Variants in SI observed in about 807,000 individuals in gnomAD.
SI encodes the protein sucrase-isomaltase.
In SI, 235 loss-of-function variants were observed where a neutral mutation model predicts 253.3. The ratio of observed to expected loss-of-function variants is 0.93; its 90% CI spans 0.83 to 1.03. The LOEUF (loss-of-function observed/expected upper bound fraction) is 1.03, where lower values mean the gene tolerates loss of function less well. Among genes scored for constraint, SI ranks in the 50% least tolerant of loss-of-function variants. The pLI is 0.00. For missense variants in SI, 2,442 were observed against 2,211.1 expected, an observed-to-expected ratio of 1.10 and a Z score of -2.09; for synonymous variants, 819 against 712.0, an observed-to-expected ratio of 1.15 and a Z score of -2.39.
At chr3:165,057,828 A>C (rs976470971) in intron 12 of SI, among the ~76,000 whole-genome samples, 1 of 152,064 alleles carries the variant, frequency 6.6e-6, no homozygotes, top group Non-Finnish European at 1.5e-5. Context: ...GACAAGTCCT[A>C]TAAGATATGC....
chr3:164,983,060 A>C lies in SI; in HGVS notation c.5198-9T>G. 1.3e-6 allele frequency: 2 copies of C among 1,542,166 alleles called. No individual in the cohort carries two copies. Among genetic ancestry groups the C allele is most frequent in the South Asian group, 2.2e-5 (2 of 89,940 alleles). The stretch of plus-strand genomic sequence containing the variant: ...GTCTCTTTCATAGGTGTCTGTAGAG[A>C]GAGAAAAAAAATGTGATATATTGTT... On this transcript the variant is annotated splice_polypyrimidine_tract_variant and intron_variant, in intron 45 of 47. Transcript: ENST00000264382.
At chr3:165,072,575 C>T (rs1390716947) in intron 3 of SI, among the ~76,000 whole-genome samples, 1 of 151,864 alleles carries the variant, frequency 6.6e-6, no homozygotes, top group Non-Finnish European at 1.5e-5. Flanking sequence ...TTTTTTAAAT[C>T]CATTTCCTAT....
chr3:165,000,034 A>C (rs887685503), intron 37 of SI, among the ~76,000 whole-genome samples: 19 of 151,376 alleles, frequency 1.3e-4, no homozygotes, highest in African/African-American at 4.6e-4. Flanking sequence ...ATAAGAAATA[A>C]ATATATAAAT....
intron 25 of SI, among the ~76,000 whole-genome samples, chr3:165,030,502 A>G (rs928496648): frequency 7.3e-5 from 11 of 151,100 alleles, no homozygotes; most frequent in South Asian, 2.1e-4. Flanking sequence ...TTACACATCA[A>G]TTCAGCCTGG....
chr3:165,039,231 C>A, intron 19 of SI, 97 bp from the exon 20 acceptor site: 1 of 776,918 alleles, frequency 1.3e-6, no homozygotes, highest in Non-Finnish European at 2.2e-6. Context: ...GGGAAAAAAA[C>A]TTTATGTTGT....
At chr3:165,088,472 G>C in the SI span, among the ~76,000 whole-genome samples, 1 of 151,850 alleles carries the variant, frequency 6.6e-6, no homozygotes, top group Non-Finnish European at 1.5e-5. Context: ...GTGAAACCCC[G>C]TCTCTACTAA....
At chr3:165,053,833 T>C (rs1168541441) in intron 13 of SI, among the ~76,000 whole-genome samples, 1 of 152,172 alleles carries the variant, frequency 6.6e-6, no homozygotes, top group East Asian at 1.9e-4. Context: ...CTAAAGAAAC[T>C]TTCAATATAG....
chr3:165,001,413 A>G lies in SI; in HGVS notation c.4407-2740T>C, dbSNP rs1188755078. Among the ~76,000 whole-genome samples the G allele has an allele frequency of 5.3e-5, 8 of 151,640 alleles. No individual in the cohort carries two copies. The East Asian group carries it at 9.7e-4, about 18-fold the overall frequency. On this transcript the variant is annotated intron_variant, in intron 37 of 47. Transcript: ENST00000264382. ...TAAATTTTCCCAACTCACATTTCAA[A>G]TAGTCACCATTAGATCAGAAAATGT...
intron 9 of SI, among the ~76,000 whole-genome samples, chr3:165,060,868 A>T (rs13433764): frequency 0.39 from 56,134 of 145,258 alleles, 11,097 homozygotes; most frequent in Non-Finnish European, 0.44. Context: ...ATTAAAAAAA[A>T]ATATATATAT....
chr3:164,980,217 T>C (rs985289352), intron 47 of SI, among the ~76,000 whole-genome samples: 3 of 151,858 alleles, frequency 2.0e-5, no homozygotes, highest in African/African-American at 7.2e-5. Context: ...CACAGCACAT[T>C]TGGATTAATT....
At chr3:165,085,921 G>T in the SI span, among the ~76,000 whole-genome samples, 87,804 of 151,962 alleles carry the variant, frequency 0.58, 25,805 homozygotes, top group East Asian at 0.81. Flanking sequence ...AATAGTTGGG[G>T]TTCATTTTAG....
chr3:165,054,743 T>C (rs940795990), intron 13 of SI, among the ~76,000 whole-genome samples: 3 of 152,124 alleles, frequency 2.0e-5, no homozygotes, highest in Non-Finnish European at 4.4e-5. Context: ...TTGCCAATTT[T>C]TATTTATTCT....
chr3:165,047,026 C>A lies in SI; in HGVS notation c.1716-14G>T, dbSNP rs1375710997. The A allele has an allele frequency of 6.6e-6, 10 of 1,509,052 alleles. No individual in the cohort carries two copies. The East Asian group carries it at 2.3e-4, about 35-fold the overall frequency. The allele number at this position is 1,509,052 out of a possible 1,614,324, so 93.5% of individuals were successfully genotyped here. A position where few individuals can be genotyped will look rare whatever the true frequency, so the allele number is the denominator to read the frequency against. Reference sequence around the variant, plus strand: ...TTTTGTACAGCTCTAAAAATAAAACCAAATTAACAAATACAATTTATTTTA... The same window carrying A: ...TTTTGTACAGCTCTAAAAATAAAACAAAATTAACAAATACAATTTATTTTA... On this transcript the variant is annotated splice_polypyrimidine_tract_variant and intron_variant, in intron 15 of 47. Coordinates refer to ENST00000264382, the MANE Select transcript of SI (RefSeq NM_001041.4).
chr3:165,076,592 A>G (rs1273781192), intron 1 of SI, among the ~76,000 whole-genome samples: 1 of 151,754 alleles, frequency 6.6e-6, no homozygotes, highest in Non-Finnish European at 1.5e-5. Flanking sequence ...ATAGAATAGT[A>G]TATATTTGGG....
chr3:164,988,763 G>C (rs1373212665), intron 44 of SI, among the ~76,000 whole-genome samples: 3 of 152,132 alleles, frequency 2.0e-5, no homozygotes, highest in East Asian at 3.9e-4. Context: ...TGGAAATAAA[G>C]ACTGTGACAG....
At chr3:165,020,520 T>C (rs1411327622) in intron 27 of SI, among the ~76,000 whole-genome samples, 1 of 151,632 alleles carries the variant, frequency 6.6e-6, no homozygotes, top group Non-Finnish European at 1.5e-5. Flanking sequence ...TTTTATAAAA[T>C]GACTTAGCTT....
Position 165,052,466 on chromosome 3 carries a change from G to A in SI, c.1513-2591C>T, listed in dbSNP as rs1713481926. Among the ~76,000 whole-genome samples, 4 of 152,014 alleles carry A rather than the reference G, an allele frequency of 2.6e-5. No homozygotes were observed. The South Asian group carries it at 8.3e-4, about 31-fold the overall frequency. ...AGTCCAGGAGTTCCAGACCAGCCTG[G>A]CCAACATGGCAAAACCCCGTCTCTA... is the stretch of plus-strand genomic sequence containing the variant. On this transcript the variant is annotated intron_variant, in intron 13 of 47. Coordinates refer to ENST00000264382, the MANE Select transcript of SI (RefSeq NM_001041.4).
Position 165,049,122 on chromosome 3 carries a change from C to G in SI, c.1715+5G>C, listed in dbSNP as rs751190321. ...AAAGAAGTCTTTGAATGAAATTGCA[C>G]TTACTGCTCTGTGGCTATAGCCATG... On this transcript the variant is annotated splice_donor_5th_base_variant and intron_variant, in intron 15 of 47. Coordinates refer to ENST00000264382, the MANE Select transcript of SI (RefSeq NM_001041.4). The G allele has an allele frequency of 2.1e-6, 3 of 1,462,426 alleles. No individual in the cohort carries two copies. The highest frequency in any genetic ancestry group is 2.9e-6 in the Non-Finnish European group (3 of 1,041,816). The allele number at this position is 1,462,426 out of a possible 1,614,324, so 90.6% of individuals were successfully genotyped here.
chr3:165,007,393 T>A (rs1157126315), intron 36 of SI, among the ~76,000 whole-genome samples: 1 of 152,092 alleles, frequency 6.6e-6, no homozygotes, highest in Admixed American at 6.6e-5. Flanking sequence ...TCTGCCTGCA[T>A]AAGAGAATGA....
Sources: allele counts gnomAD v4.1 joint callset (sites outside exome capture counted in the v4.1 genomes callset), GRCh38; gene constraint gnomAD v4.1.1; transcripts MANE v1.5; gene names NCBI Gene and HGNC (gene_info 2026-07-23, HGNC 2026-07-21).